KLHDC7A: variants seen among roughly 807,000 people sequenced by gnomAD.
The protein encoded by KLHDC7A is kelch domain-containing protein 7A.
For missense variants in KLHDC7A, 1,123 were observed against 1,052.6 expected, an observed-to-expected ratio of 1.07 and a Z score of -0.93; for synonymous variants, 464 against 461.0, an observed-to-expected ratio of 1.01 and a Z score of -0.08.
At position 18,483,223 on chromosome 1, in the gene KLHDC7A, A is replaced by T. The variant is rs116548488; in HGVS notation, c.2242A>T (p.Lys748Ter). The T allele has an allele frequency of 6.2e-7, 1 of 1,613,842 alleles. No individual in the cohort carries two copies. The highest frequency in any genetic ancestry group is 2.2e-5 in the East Asian group (1 of 44,870). ...ADSVSPRFVP[K>*]ELRSFPAPQG... ...CTCTGTCTCACCCAGGTTTGTGCCC[A>T]AGGAGCTGCGGAGTTTCCCGGCCCC... is the stretch of plus-strand genomic sequence containing the variant. Residue 748 changes from lysine to a stop codon, truncating the protein, a stop_gained, in exon 1 of 1, where the codon AAG (lysine) becomes TAG (stop). Coordinates refer to ENST00000400664, the MANE Select transcript of KLHDC7A (RefSeq NM_152375.3). LOFTEE classifies it low-confidence loss of function (END_TRUNC).
rs949548923 is a variant in KLHDC7A at position 18,485,820 on chromosome 1, C to T, written c.*2505C>T. 1.2e-5 allele frequency: 2 copies of T among 166,866 alleles called. No individual in the cohort carries two copies. The highest frequency in any genetic ancestry group is 2.9e-5 in the Non-Finnish European group (2 of 68,148). 10.3% of individuals were successfully genotyped at this position (166,866 alleles called of 1,614,324 possible). A position where few individuals can be genotyped will look rare whatever the true frequency, so the allele number is the denominator to read the frequency against. ...CCACTCAATGGGAGCATCAGCGGAA[C>T]CCGTAGCATCTTATTTGGAATTGAC... is the stretch of plus-strand genomic sequence containing the variant. On this transcript the variant is annotated 3_prime_UTR_variant, in exon 1 of 1. Transcript: ENST00000400664.
rs774524006 is a variant in KLHDC7A, at chr1:18,482,662, T to G, written c.1681T>G (p.Cys561Gly). 6.2e-7 allele frequency: 1 copy of G among 1,608,814 alleles called. No individual in the cohort carries two copies. The highest frequency in any genetic ancestry group is 8.5e-7 in the Non-Finnish European group (1 of 1,179,206). Residue 561 changes from cysteine to glycine, a missense_variant, in exon 1 of 1, where the codon TGC becomes GGC. Physicochemically the swap from Cys to Gly is radical, Grantham distance 159. Transcript: ENST00000400664. ...PGHQPSSRVF[C>G]YNPLTGIWSE... Reference sequence around the variant, plus strand: ...GCACCAGCCCTCCAGCCGCGTCTTCTGCTACAACCCGCTCACGGGGATCTG... The same window carrying G: ...GCACCAGCCCTCCAGCCGCGTCTTCGGCTACAACCCGCTCACGGGGATCTG...
Position 18,484,092 on chromosome 1 carries a change from C to T in KLHDC7A, c.*777C>T. The T allele has an allele frequency of 8.3e-7, 1 of 1,203,692 alleles. No homozygotes were observed. The highest frequency in any genetic ancestry group is 5.7e-5 in the East Asian group (1 of 17,440). 74.6% of individuals were successfully genotyped at this position (1,203,692 alleles called of 1,614,324 possible). A position where few individuals can be genotyped will look rare whatever the true frequency, so the allele number is the denominator to read the frequency against. On this transcript the variant is annotated 3_prime_UTR_variant, in exon 1 of 1. Coordinates refer to ENST00000400664, the MANE Select transcript of KLHDC7A (RefSeq NM_152375.3). ...AAGAAACTATGTGATCCAAGGGCCACCCTGCTCCTCGGCCCTGCCCATGTT... is the reference window on the plus strand; with the variant it reads ...AAGAAACTATGTGATCCAAGGGCCATCCTGCTCCTCGGCCCTGCCCATGTT...
rs762480358 is a variant in KLHDC7A at position 18,482,027 on chromosome 1, C to T, written c.1046C>T (p.Pro349Leu). The change falls in exon 1 of 1, where the codon CCG (proline) becomes CTG (leucine). Residue 349 changes from proline (P) to leucine (L), a missense_variant. Physicochemically the swap from Pro to Leu is moderately conservative, Grantham distance 98 (BLOSUM62 -3). Transcript: ENST00000400664. ...TKGAAERAAS[P>L]QTGPWPSTRG... ...GGTGCAGCCGAAAGAGCCGCCTCCC[C>T]GCAGACAGGGCCGTGGCCCTCCACC... 1.2e-6 allele frequency: 2 copies of T among 1,612,722 alleles called. No individual in the cohort carries two copies. The highest frequency in any genetic ancestry group is 2.2e-5 in the East Asian group (1 of 44,854).
chr1:18,482,349 G>C lies in KLHDC7A; in HGVS notation c.1368G>C (p.Lys456Asn), dbSNP rs757603302. Residue 456 changes from lysine to asparagine, a missense_variant, in exon 1 of 1, where the codon AAG (lysine) becomes AAC (asparagine). Physicochemically the swap from Lys to Asn is moderately conservative, Grantham distance 94 (BLOSUM62 0). Transcript: ENST00000400664. ...AGGCCCTGAAAGAGGCGGCCTACAA[G>C]GTGATGAGCGAAAACTACCTGCAGG... ...NLEALKEAAYKVMSENYLQVL... is the reference protein window; with the variant it reads ...NLEALKEAAYNVMSENYLQVL... The C allele has an allele frequency of 3.2e-5, 52 of 1,602,652 alleles. 1 individual carries two copies. Among genetic ancestry groups the C allele is most frequent in the Middle Eastern group, 1.6e-4 (1 of 6,062 alleles).
Position 18,481,384 on chromosome 1 carries a change from C to A in KLHDC7A, c.403C>A (p.Gln135Lys). 1 of 1,612,204 alleles carries A rather than the reference C, an allele frequency of 6.2e-7. No individual in the cohort carries two copies. Among genetic ancestry groups the A allele is most frequent in the Non-Finnish European group, 8.5e-7 (1 of 1,179,234 alleles). ...ERGGQGSDSE[Q>K]VPPCCPSQET... is the part of the protein sequence containing the mutation. ...GGGCGGGCAGGGCTCGGACTCTGAG[C>A]AGGTGCCTCCTTGCTGCCCCAGCCA... The change falls in exon 1 of 1, where the codon CAG becomes AAG. Residue 135 changes from glutamine (Q) to lysine (K), a missense_variant. Physicochemically the swap from Gln to Lys is moderately conservative, Grantham distance 53 (BLOSUM62 1). Transcript: ENST00000400664.
chr1:18,482,154 C>A lies in KLHDC7A; in HGVS notation c.1173C>A (p.Asp391Glu). ...GFRLPAPPCP[D>E]PGALPGLGRS... ...GGCTCCCCGCTCCACCCTGCCCAGA[C>A]CCGGGCGCCCTGCCTGGCTTAGGCA... Residue 391 changes from aspartate (D) to glutamate (E), a missense_variant, in exon 1 of 1, where the codon GAC becomes GAA. Asp to Glu is a conservative substitution (Grantham distance 45). Coordinates refer to ENST00000400664, the MANE Select transcript of KLHDC7A (RefSeq NM_152375.3). The A allele has an allele frequency of 1.2e-6, 2 of 1,611,772 alleles. No homozygotes were observed. Among genetic ancestry groups the A allele is most frequent in the South Asian group, 2.2e-5 (2 of 91,028 alleles).
rs1204379132 is a variant in KLHDC7A, at chr1:18,482,130, G to A, written c.1149G>A (p.Arg383=). 6.2e-7 allele frequency: 1 copy of A among 1,611,332 alleles called. No homozygotes were observed. The highest frequency in any genetic ancestry group is 8.5e-7 in the Non-Finnish European group (1 of 1,179,296). Residue 383 remains arginine (R), a synonymous_variant, in exon 1 of 1, where the codon CGG becomes CGA. Coordinates refer to ENST00000400664, the MANE Select transcript of KLHDC7A (RefSeq NM_152375.3). ...TGCAGCTGCAGCCAGATGGCTTCCG[G>A]CTCCCCGCTCCACCCTGCCCAGACC... ...PELQLQPDGF[R]LPAPPCPDPG...
In KLHDC7A at chr1:18,485,809, C is replaced by CATCAGCGG. The variant is rs2086928993; in HGVS notation, c.*2496_*2503dup. 1 of 166,926 alleles carries CATCAGCGG rather than the reference C, an allele frequency of 6.0e-6. No individual in the cohort carries two copies. The highest frequency in any genetic ancestry group is 2.1e-4 in the South Asian group (1 of 4,798). The allele number at this position is 166,926 out of a possible 1,614,324, so 10.3% of individuals were successfully genotyped here. A position where few individuals can be genotyped will look rare whatever the true frequency, so the allele number is the denominator to read the frequency against. Reference sequence around the variant, plus strand: ...CTTGAGTCCTGCCACTCAATGGGAGCATCAGCGGAACCCGTAGCATCTTAT... The same window carrying CATCAGCGG: ...CTTGAGTCCTGCCACTCAATGGGAGCATCAGCGGATCAGCGGAACCCGTAGCATCTTAT... On this transcript the variant is annotated 3_prime_UTR_variant, in exon 1 of 1. Transcript: ENST00000400664.
At position 18,483,292 on chromosome 1, in the gene KLHDC7A, G is replaced by A. The variant is rs1216719846; in HGVS notation, c.2311G>A (p.Asp771Asn). 6.2e-7 allele frequency: 1 copy of A among 1,613,046 alleles called. No homozygotes were observed. Among genetic ancestry groups the A allele is most frequent in the African/African-American group, 1.3e-5 (1 of 74,906 alleles). ...LPTVLTLPTP[D>N]LPQTRV ...CACCGTCCTGACCTTGCCCACCCCC[G>A]ATTTGCCTCAGACCAGGGTCTAGCA... The change falls in exon 1 of 1, where the codon GAT becomes AAT. Residue 771 changes from aspartate to asparagine, a missense_variant. Physicochemically the swap from Asp to Asn is conservative, Grantham distance 23 (BLOSUM62 1). Coordinates refer to ENST00000400664, the MANE Select transcript of KLHDC7A (RefSeq NM_152375.3).
Position 18,482,807 on chromosome 1 carries a change from T to C in KLHDC7A, c.1826T>C (p.Leu609Pro). 1.2e-6 allele frequency: 2 copies of C among 1,609,378 alleles called. No homozygotes were observed. Among genetic ancestry groups the C allele is most frequent in the Non-Finnish European group, 1.7e-6 (2 of 1,178,372 alleles). ...TCGGTGGAGCGTTACGACCCCCGCCTGGACCGCTGGGACTTTGCCCCGCCG... is the reference window on the plus strand; with the variant it reads ...TCGGTGGAGCGTTACGACCCCCGCCCGGACCGCTGGGACTTTGCCCCGCCG... ...LNSVERYDPR[L>P]DRWDFAPPLP... The change falls in exon 1 of 1, where the codon CTG becomes CCG. Residue 609 changes from leucine (L) to proline (P), a missense_variant. By Grantham distance (98) the Leu-to-Pro change is moderately conservative (BLOSUM62 -3). Transcript: ENST00000400664.
rs755620603 is a variant in KLHDC7A at position 18,482,441 on chromosome 1, G to A, written c.1460G>A (p.Arg487Gln). Residue 487 changes from arginine (R) to glutamine (Q), a missense_variant, in exon 1 of 1, where the codon CGG (arginine) becomes CAG (glutamine). Coordinates refer to ENST00000400664, the MANE Select transcript of KLHDC7A (RefSeq NM_152375.3). Reference protein sequence around the residue: ...GAERELILQRRLRGRQYLVVA... With the variant: ...GAERELILQRQLRGRQYLVVA... The stretch of plus-strand genomic sequence containing the variant: ...GAGCGCGAGCTGATCCTGCAGCGCC[G>A]GCTCCGGGGCCGCCAGTACCTGGTG... The A allele has an allele frequency of 3.1e-6, 5 of 1,609,888 alleles. No individual in the cohort carries two copies. In the African/African-American group the frequency reaches 5.3e-5, roughly 17 times the overall value.
Position 18,485,934 on chromosome 1 carries a change from A to T in KLHDC7A, c.*2619A>T, listed in dbSNP as rs1467147628. 2 of 166,810 alleles carry T rather than the reference A, an allele frequency of 1.2e-5. No homozygotes were observed. Among genetic ancestry groups the T allele is most frequent in the Non-Finnish European group, 2.9e-5 (2 of 68,096 alleles). 10.3% of individuals were successfully genotyped at this position (166,810 alleles called of 1,614,324 possible). On this transcript the variant is annotated 3_prime_UTR_variant, in exon 1 of 1. Transcript: ENST00000400664. ...AAGATGATGCTCTGTTTTAAACATTAAAAGTATACAAGTTGCTTTGTTACA... is the reference window on the plus strand; with the variant it reads ...AAGATGATGCTCTGTTTTAAACATTTAAAGTATACAAGTTGCTTTGTTACA...
Position 18,481,032 on chromosome 1 carries a change from G to T in KLHDC7A, c.51G>T (p.Leu17=). ...EAQDWHLDMQ[L]TGKVVLSAAA... The stretch of plus-strand genomic sequence containing the variant: ...AGGACTGGCATTTGGATATGCAGCT[G>T]ACCGGCAAGGTGGTGCTGTCAGCCG... Residue 17 remains leucine (L), a synonymous_variant, in exon 1 of 1, where the codon CTG becomes CTT. Transcript: ENST00000400664. 6.2e-7 allele frequency: 1 copy of T among 1,612,570 alleles called. No individual in the cohort carries two copies. Among genetic ancestry groups the T allele is most frequent in the South Asian group, 1.1e-5 (1 of 90,830 alleles).
chr1:18,483,892 G>T lies in KLHDC7A; in HGVS notation c.*577G>T. 1 of 1,298,386 alleles carries T rather than the reference G, an allele frequency of 7.7e-7. No individual in the cohort carries two copies. The highest frequency in any genetic ancestry group is 1.0e-6 in the Non-Finnish European group (1 of 985,976). The allele number at this position is 1,298,386 out of a possible 1,614,324, so 80.4% of individuals were successfully genotyped here. On this transcript the variant is annotated 3_prime_UTR_variant, in exon 1 of 1. Coordinates refer to ENST00000400664, the MANE Select transcript of KLHDC7A (RefSeq NM_152375.3). The stretch of plus-strand genomic sequence containing the variant: ...GGGGCCCTGGCCAGAGGGAGTGGTG[G>T]TTTGAAAAGTAGAACAGCTGAAGCT...
At position 18,481,980 on chromosome 1, in the gene KLHDC7A, A is replaced by G; in HGVS notation, c.999A>G (p.Gly333=). The G allele has an allele frequency of 6.2e-7, 1 of 1,612,736 alleles. No homozygotes were observed. The highest frequency in any genetic ancestry group is 8.5e-7 in the Non-Finnish European group (1 of 1,179,924). The stretch of plus-strand genomic sequence containing the variant: ...CCCTGGGAACAGGGGCTGCCTCGGG[A>G]GGCCAAGCCGGTGACACAAAGGGTG... ...PGSLGTGAAS[G]GQAGDTKGAA... Residue 333 remains glycine (G), a synonymous_variant, in exon 1 of 1, where the codon GGA becomes GGG. Transcript: ENST00000400664.
Position 18,483,101 on chromosome 1 carries a change from C to A in KLHDC7A, c.2120C>A (p.Thr707Lys), listed in dbSNP as rs778326623. Residue 707 changes from threonine (T) to lysine (K), a missense_variant, in exon 1 of 1, where the codon ACG (threonine) becomes AAG (lysine). Thr to Lys is a moderately conservative substitution (Grantham distance 78). Transcript: ENST00000400664. ...ACCCGGCTCTGGTACGAGTGCGCCA[C>A]GTACCGGACGCCTTACCCGGATGCC... ...ASTRLWYECA[T>K]YRTPYPDAFQ... 3 of 1,613,878 alleles carry A rather than the reference C, an allele frequency of 1.9e-6. No homozygotes were observed. The highest frequency in any genetic ancestry group is 1.7e-6 in the Non-Finnish European group (2 of 1,180,030).
Position 18,481,137 on chromosome 1 carries a change from C to G in KLHDC7A, c.156C>G (p.Gly52=), listed in dbSNP as rs1332044558. 5 of 1,613,232 alleles carry G rather than the reference C, an allele frequency of 3.1e-6. No homozygotes were observed. The South Asian group carries it at 5.5e-5, about 18-fold the overall frequency. Residue 52 remains glycine (G), a synonymous_variant, in exon 1 of 1, where the codon GGC becomes GGG. Coordinates refer to ENST00000400664, the MANE Select transcript of KLHDC7A (RefSeq NM_152375.3). ...CAGCCCAGCGGTGGGGTGGGAATGGCCAGGCAGAAGCCAAGGAGGAAGCAG... is the reference window on the plus strand; with the variant it reads ...CAGCCCAGCGGTGGGGTGGGAATGGGCAGGCAGAAGCCAAGGAGGAAGCAG... ...PAPAQRWGGN[G]QAEAKEEAEG... is the part of the protein sequence containing the mutation.
Position 18,482,337 on chromosome 1 carries a change from G to C in KLHDC7A, c.1356G>C (p.Glu452Asp), listed in dbSNP as rs759669189. 14 of 1,602,200 alleles carry C rather than the reference G, an allele frequency of 8.7e-6. No individual in the cohort carries two copies. Among genetic ancestry groups the C allele is most frequent in the East Asian group, 2.2e-5 (1 of 44,876 alleles). ...AKRQNLEALK[E>D]AAYKVMSENY... Reference sequence around the variant, plus strand: ...GGCAGAACCTGGAGGCCCTGAAAGAGGCGGCCTACAAGGTGATGAGCGAAA... The same window carrying C: ...GGCAGAACCTGGAGGCCCTGAAAGACGCGGCCTACAAGGTGATGAGCGAAA... Residue 452 changes from glutamate to aspartate, a missense_variant, in exon 1 of 1, where the codon GAG (glutamate) becomes GAC (aspartate). Transcript: ENST00000400664.
Sources: gnomAD v4.1 joint callset for allele counts on GRCh38, gnomAD v4.1.1 for gene constraint, MANE v1.5 for transcripts, NCBI Gene and HGNC (gene_info 2026-07-23, HGNC 2026-07-21) for gene names.